The following BMPER variants were observed in gnomAD, a reference collection of about 807,000 sequenced individuals.
The protein encoded by BMPER is BMP-binding endothelial regulator protein.
Under a neutral mutation model 87.3 loss-of-function variants are expected in BMPER, and 45 were observed. That is an observed-to-expected ratio of 0.52 (90% CI 0.41 to 0.66). BMPER has a LOEUF of 0.66. BMPER is among the 30% of genes least tolerant of loss of function. The probability of loss-of-function intolerance (pLI) is 0.00; values close to 1 mark genes in which losing one functional copy is unlikely to be tolerated. For synonymous variants in BMPER, 326 were observed against 316.2 expected (o/e 1.03, Z -0.33); for missense variants, 784 against 867.5 (o/e 0.90, Z 1.21).
upstream of BMPER, chr7:33,905,426 C>A (rs1309452381): frequency 1.4e-4 from 2 of 14,134 alleles, no homozygotes; most frequent in Non-Finnish European, 2.2e-4. Flanking sequence ...GGCGCCCCCA[C>A]ACCTTGGTCT....
chr7:34,113,309 G>A (rs1243139731), intron 13 of BMPER, among the ~76,000 whole-genome samples: 3 of 151,608 alleles, frequency 2.0e-5, no homozygotes, highest in African/African-American at 7.3e-5. Context: ...GATTATAGTA[G>A]TTATTATCAT....
rs531495668 is a variant in BMPER at position 34,008,298 on chromosome 7, A to T, written c.576+33514A>T. Among the ~76,000 whole-genome samples the T allele has an allele frequency of 2.0e-5, 3 of 152,054 alleles. No homozygotes were observed. The East Asian group carries it at 5.8e-4, about 30-fold the overall frequency. On this transcript the variant is annotated intron_variant, in intron 6 of 14. Coordinates refer to ENST00000649409, the MANE Select transcript of BMPER (RefSeq NM_001365308.1). ...GCAAAGGAAATTGGCCTTTTGTGAC[A>T]TGTGTGACATTTCTCAATTTGTCAC...
At chr7:33,920,693 G>T (rs1358304719) in intron 2 of BMPER, among the ~76,000 whole-genome samples, 1 of 151,982 alleles carries the variant, frequency 6.6e-6, no homozygotes, top group Non-Finnish European at 1.5e-5. Context: ...CCAAAGTGCT[G>T]GGATTACAGG....
At chr7:34,071,587 T>G (rs1467968861) in intron 11 of BMPER, among the ~76,000 whole-genome samples, 1 of 152,192 alleles carries the variant, frequency 6.6e-6, no homozygotes, top group Non-Finnish European at 1.5e-5. Flanking sequence ...AATTGATAAA[T>G]AAAAACTTCT....
At chr7:34,140,093 G>C (rs1044344863) in intron 13 of BMPER, among the ~76,000 whole-genome samples, 1 of 152,170 alleles carries the variant, frequency 6.6e-6, no homozygotes, top group Non-Finnish European at 1.5e-5. Context: ...TAGGTTTGCA[G>C]TTCTGGATCT....
At chr7:34,050,845 C>T (rs1240852541) in intron 7 of BMPER, among the ~76,000 whole-genome samples, 1 of 152,146 alleles carries the variant, frequency 6.6e-6, no homozygotes, top group East Asian at 1.9e-4. Context: ...AAAACCAAGC[C>T]AGTTCTACAG....
intron 6 of BMPER, among the ~76,000 whole-genome samples, chr7:34,008,621 C>T (rs1786796433): frequency 6.6e-6 from 1 of 151,896 alleles, no homozygotes; most frequent in Non-Finnish European, 1.5e-5. Flanking sequence ...ATTTTTCCTT[C>T]TACTGTTATA....
chr7:34,138,048 T>C (rs1790766346), intron 13 of BMPER, among the ~76,000 whole-genome samples: 1 of 152,206 alleles, frequency 6.6e-6, no homozygotes, highest in Non-Finnish European at 1.5e-5. Context: ...CTCTGTCCAA[T>C]ATGGGGGCCA....
intron 2 of BMPER, among the ~76,000 whole-genome samples, chr7:33,933,621 T>A (rs1045224671): frequency 1.3e-5 from 2 of 152,136 alleles, no homozygotes; most frequent in Non-Finnish European, 2.9e-5. Context: ...ATATCCAAAT[T>A]GGAACAACTT....
intron 13 of BMPER, among the ~76,000 whole-genome samples, chr7:34,102,146 AT>A (rs34734593): frequency 0.072 from 10,917 of 151,038 alleles, 751 homozygotes; most frequent in African/African-American, 0.18. Context: ...CCTTTTCTCC[AT>A]TTTTTTTTGC....
At chr7:34,121,082 ATTAT>A (rs941589760) in intron 13 of BMPER, among the ~76,000 whole-genome samples, 14 of 151,710 alleles carry the variant, frequency 9.2e-5, no homozygotes, top group Admixed American at 2.6e-4. Flanking sequence ...ATACTTATAG[ATTAT>A]TTAATGTATT....
chr7:34,108,997 T>A (rs189095213), intron 13 of BMPER, among the ~76,000 whole-genome samples: 63 of 152,320 alleles, frequency 4.1e-4, no homozygotes, highest in African/African-American at 1.4e-3. Flanking sequence ...ATATGATATG[T>A]GTATATGTGT....
chr7:34,045,375 G>A (rs966035097), intron 6 of BMPER, among the ~76,000 whole-genome samples: 2 of 152,154 alleles, frequency 1.3e-5, no homozygotes, highest in African/African-American at 4.8e-5. Flanking sequence ...AACTGGGGCT[G>A]GGGAAGCAGG....
chr7:33,997,914 C>T (rs1786463330), intron 6 of BMPER, among the ~76,000 whole-genome samples: 1 of 152,162 alleles, frequency 6.6e-6, no homozygotes, highest in South Asian at 2.1e-4. Context: ...TCCTAAATCC[C>T]CCTGCCACCA....
intron 13 of BMPER, among the ~76,000 whole-genome samples, chr7:34,132,538 T>C (rs1790621106): frequency 6.6e-6 from 1 of 152,204 alleles, no homozygotes; most frequent in Non-Finnish European, 1.5e-5. Context: ...GCGGATATTC[T>C]CTTGGTGTTT....
chr7:33,943,237 A>G (rs531866986), intron 3 of BMPER, among the ~76,000 whole-genome samples: 2 of 152,178 alleles, frequency 1.3e-5, no homozygotes, highest in Non-Finnish European at 2.9e-5. Flanking sequence ...TTACATGTAT[A>G]TATAATTTTG....
intron 9 of BMPER, among the ~76,000 whole-genome samples, chr7:34,056,236 G>T (rs565750089): frequency 9.2e-5 from 14 of 152,238 alleles, no homozygotes; most frequent in Middle Eastern, 6.8e-3. Flanking sequence ...AGGGCCTGTT[G>T]GGGGGTAGGG....
chr7:34,103,226 G>A (rs1789729047), intron 13 of BMPER, among the ~76,000 whole-genome samples: 3 of 152,066 alleles, frequency 2.0e-5, no homozygotes, highest in Admixed American at 2.0e-4. Flanking sequence ...AACAAACATG[G>A]GTGTAGAGAG....
At chr7:33,915,236 A>G (rs1458440110) in intron 2 of BMPER, among the ~76,000 whole-genome samples, 2 of 152,204 alleles carry the variant, frequency 1.3e-5, no homozygotes, top group African/African-American at 2.4e-5. Context: ...GAATGTTTCT[A>G]TAGTTAAATG....
Sources: allele counts gnomAD v4.1 joint callset (sites outside exome capture counted in the v4.1 genomes callset), GRCh38; gene constraint gnomAD v4.1.1; transcripts MANE v1.5; gene names NCBI Gene and HGNC (gene_info 2026-07-23, HGNC 2026-07-21).